The following CDYL variants were observed in gnomAD, a reference collection of about 807,000 sequenced individuals.
The protein encoded by CDYL is chromodomain Y-like protein.
In CDYL, 8 loss-of-function variants were observed where a neutral mutation model predicts 47.3. The ratio of observed to expected loss-of-function variants is 0.17; its 90% CI spans 0.10 to 0.31. CDYL has a LOEUF of 0.31. Ranked by LOEUF, CDYL falls within the 10% of genes least tolerant of loss-of-function variation. The pLI is 1.00. For missense variants in CDYL, 471 were observed against 701.4 expected (o/e 0.67, Z 3.71); for synonymous variants, 266 against 265.0 (o/e 1.00, Z -0.04).
intron 3 of CDYL, among the ~76,000 whole-genome samples, chr6:4,739,937 G>A (rs1487555455): frequency 1.3e-5 from 2 of 151,598 alleles, no homozygotes; most frequent in African/African-American, 4.9e-5. Context: ...TGGGCAACAA[G>A]AGTGAAACTC....
chr6:4,788,375 C>T (rs1289019358), intron 1 of CDYL, among the ~76,000 whole-genome samples: 3 of 142,824 alleles, frequency 2.1e-5, no homozygotes, highest in Non-Finnish European at 3.0e-5. Flanking sequence ...CACAAGTACT[C>T]GGGAGGCTGA....
At chr6:4,941,410 A>G (rs554173158) in intron 4 of CDYL, among the ~76,000 whole-genome samples, 1 of 152,254 alleles carries the variant, frequency 6.6e-6, no homozygotes, top group Non-Finnish European at 1.5e-5. Flanking sequence ...CTTTTTTAAA[A>G]CAAAACGAGT....
At chr6:4,713,449 A>G (rs560530557) in intron 1 of CDYL, among the ~76,000 whole-genome samples, 6 of 152,338 alleles carry the variant, frequency 3.9e-5, no homozygotes, top group African/African-American at 1.4e-4. Flanking sequence ...GAAACTGACG[A>G]AAAGTCAAAT....
intron 2 of CDYL, among the ~76,000 whole-genome samples, chr6:4,899,043 G>A (rs1454603450): frequency 4.6e-5 from 7 of 152,136 alleles, no homozygotes; most frequent in African/African-American, 7.2e-5. Flanking sequence ...TCTGAGTACA[G>A]CCCTAGCCTT....
At chr6:4,752,691 T>C (rs1044092686) in intron 3 of CDYL, among the ~76,000 whole-genome samples, 6 of 152,162 alleles carry the variant, frequency 3.9e-5, no homozygotes, top group Non-Finnish European at 8.8e-5. Context: ...CTCAAAGATA[T>C]TTTAAAGCCC....
intron 2 of CDYL, among the ~76,000 whole-genome samples, chr6:4,905,315 G>A (rs953879641): frequency 2.4e-4 from 37 of 152,132 alleles, no homozygotes; most frequent in East Asian, 1.9e-4. Context: ...TTGACACTCC[G>A]TCAACCAACT....
intron 2 of CDYL, chr6:4,734,676 T>C: frequency 6.4e-7 from 1 of 1,563,802 alleles, no homozygotes; most frequent in South Asian, 1.2e-5. Flanking sequence ...GGATGGGAAG[T>C]TGGGGGATGG....
At chr6:4,870,878 C>T (rs1003981375) in intron 1 of CDYL, among the ~76,000 whole-genome samples, 2 of 152,100 alleles carry the variant, frequency 1.3e-5, no homozygotes, top group South Asian at 2.1e-4. Flanking sequence ...GAGTCATTGT[C>T]GTCATGTTTT....
chr6:4,751,000 C>T (rs375226315), intron 3 of CDYL, among the ~76,000 whole-genome samples: 3 of 151,384 alleles, frequency 2.0e-5, no homozygotes, highest in Non-Finnish European at 4.4e-5. Context: ...CTACAGGCAC[C>T]CGCCACCACG....
chr6:4,713,399 C>CTAGG (rs1341477693), intron 1 of CDYL, among the ~76,000 whole-genome samples: 1 of 152,052 alleles, frequency 6.6e-6, no homozygotes, highest in Non-Finnish European at 1.5e-5. Flanking sequence ...TTTCCAGATG[C>CTAGG]TAAGAGAAGG....
chr6:4,759,180 A>C (rs774261376), intron 3 of CDYL, among the ~76,000 whole-genome samples: 40 of 152,038 alleles, frequency 2.6e-4, no homozygotes, highest in Admixed American at 1.9e-3. Context: ...CGTGTTACCC[A>C]GGATGGTCTC....
chr6:4,954,803 A>G lies in CDYL; in HGVS notation c.*747A>G, dbSNP rs950557032. 3.3e-5 allele frequency: 5 copies of G among 152,328 alleles called. No individual in the cohort carries two copies. The South Asian group carries it at 8.3e-4, about 25-fold the overall frequency. The allele number at this position is 152,328 out of a possible 1,614,324, so 9.4% of individuals were successfully genotyped here. On this transcript the variant is annotated 3_prime_UTR_variant, in exon 7 of 7. Coordinates refer to ENST00000397588, the MANE Select transcript of CDYL (RefSeq NM_004824.4). Reference sequence around the variant, plus strand: ...TGAATCACTGAATAGCTTAAGTATGACTATCTAAGTTATAAGTTAGTCTTT... The same window carrying G: ...TGAATCACTGAATAGCTTAAGTATGGCTATCTAAGTTATAAGTTAGTCTTT...
At chr6:4,825,884 C>T (rs1294654853) in intron 1 of CDYL, among the ~76,000 whole-genome samples, 1 of 150,008 alleles carries the variant, frequency 6.7e-6, no homozygotes, top group Non-Finnish European at 1.5e-5. Flanking sequence ...ACCTGACACA[C>T]ATCTTCCTAG....
At chr6:4,723,202 G>T (rs4960036) in intron 2 of CDYL, among the ~76,000 whole-genome samples, 151,716 of 152,308 alleles carry the variant, frequency 1, 75,567 homozygotes, top group Middle Eastern at 1. Flanking sequence ...GCATTTACAT[G>T]GCAGTAGATA....
intron 2 of CDYL, among the ~76,000 whole-genome samples, chr6:4,905,549 T>A (rs1757209795): frequency 6.6e-6 from 1 of 152,186 alleles, no homozygotes; most frequent in African/African-American, 2.4e-5. Context: ...GAGGATGAAC[T>A]GCTGAGTTTG....
chr6:4,777,683 A>G (rs930611988), intron 1 of CDYL, among the ~76,000 whole-genome samples: 1 of 152,200 alleles, frequency 6.6e-6, no homozygotes, highest in Non-Finnish European at 1.5e-5. Context: ...ACTCACCTTT[A>G]TGATGCGTTT....
chr6:4,756,574 G>A (rs550453724), intron 3 of CDYL, among the ~76,000 whole-genome samples: 5 of 133,452 alleles, frequency 3.7e-5, no homozygotes, highest in East Asian at 2.0e-4. Context: ...TAAAATTATC[G>A]TGTGTATGTG....
chr6:4,930,795 T>G (rs1247140413), intron 2 of CDYL, among the ~76,000 whole-genome samples: 1 of 152,254 alleles, frequency 6.6e-6, no homozygotes, highest in Non-Finnish European at 1.5e-5. Context: ...AAAATAGGTT[T>G]CTTTCCTAGT....
In CDYL at chr6:4,739,130, C is replaced by A. The variant is rs545011806; in HGVS notation, c.186+4286C>A. 5.1e-4 allele frequency among the ~76,000 whole-genome samples: 77 copies of A among 151,772 alleles called. 1 individual carries two copies. The South Asian group carries it at 0.015, about 30-fold the overall frequency. ...GAGCCAAGATCACGCCATTGCACTCCAGCCTGGGCAACAAGAGCAAAACTC... is the reference window on the plus strand; with the variant it reads ...GAGCCAAGATCACGCCATTGCACTCAAGCCTGGGCAACAAGAGCAAAACTC... On this transcript the variant is annotated intron_variant, in intron 3 of 8. Transcript: ENST00000328908.
Sources: allele counts gnomAD v4.1 joint callset (sites outside exome capture counted in the v4.1 genomes callset), GRCh38; gene constraint gnomAD v4.1.1; transcripts MANE v1.5; gene names NCBI Gene and HGNC (gene_info 2026-07-23, HGNC 2026-07-21).